SLC39A11: variants seen among roughly 807,000 people sequenced by gnomAD.
SLC39A11 encodes the protein zinc transporter ZIP11.
SLC39A11 carries 33 observed loss-of-function variants against 36.1 expected under a neutral mutation model. The ratio of observed to expected loss-of-function variants is 0.91; its 90% CI spans 0.69 to 1.22. The LOEUF (loss-of-function observed/expected upper bound fraction) is 1.22. SLC39A11 is among the 50% of genes most tolerant of loss of function. SLC39A11 has a pLI of 0.00. For synonymous variants in SLC39A11, 166 were observed against 170.3 expected, an observed-to-expected ratio of 0.97 and a Z score of 0.20; for missense variants, 432 against 430.3, an observed-to-expected ratio of 1.00 and a Z score of -0.03.
intron 6 of SLC39A11, among the ~76,000 whole-genome samples, chr17:72,831,334 G>A (rs72847921): frequency 0.044 from 6,753 of 152,262 alleles, 184 homozygotes; most frequent in Non-Finnish European, 0.062. Context: ...AGTGGAAGGA[G>A]CTGACAAACA....
intron 7 of SLC39A11, among the ~76,000 whole-genome samples, chr17:72,680,184 CTAGTTCCAGAA>C (rs1014157153): frequency 2.6e-5 from 4 of 151,838 alleles, no homozygotes; most frequent in African/African-American, 9.7e-5. Flanking sequence ...TCACCACAAT[CTAGTTCCAGAA>C]CATTTTTATC....
At chr17:72,789,597 A>G (rs1333040896) in intron 6 of SLC39A11, among the ~76,000 whole-genome samples, 1 of 152,186 alleles carries the variant, frequency 6.6e-6, no homozygotes. Context: ...GCAAACACTT[A>G]TTGGTCACCC....
chr17:72,759,759 T>C (rs1478357746), intron 6 of SLC39A11, among the ~76,000 whole-genome samples: 1 of 151,916 alleles, frequency 6.6e-6, no homozygotes, highest in African/African-American at 2.4e-5. Context: ...TTCTCATGGG[T>C]GGAAAATGAG....
chr17:73,085,901 G>T (rs942835374), intron 2 of SLC39A11, among the ~76,000 whole-genome samples: 2 of 152,100 alleles, frequency 1.3e-5, no homozygotes, highest in Non-Finnish European at 2.9e-5. Context: ...TCATACAACA[G>T]GTACCATAAT....
At position 72,752,285 on chromosome 17, in the gene SLC39A11, C is replaced by T. The variant is rs144509490; in HGVS notation, c.602-15566G>A. On this transcript the variant is annotated intron_variant, in intron 6 of 9. Coordinates refer to ENST00000255559, the MANE Select transcript of SLC39A11 (RefSeq NM_139177.4). Reference sequence around the variant, plus strand: ...CTTAAGATGGAGTCTCGCTCTGTCACCCGGGCTGGAGAGCAGTGGCGTGAT... The same window carrying T: ...CTTAAGATGGAGTCTCGCTCTGTCATCCGGGCTGGAGAGCAGTGGCGTGAT... Among the ~76,000 whole-genome samples the T allele has an allele frequency of 4.4e-3, 675 of 152,262 alleles. 13 individuals are homozygous for T. The highest frequency in any genetic ancestry group is 3.1e-3 in the Non-Finnish European group (209 of 68,032).
chr17:72,710,579 T>G (rs1471690907), intron 7 of SLC39A11, among the ~76,000 whole-genome samples: 3 of 152,224 alleles, frequency 2.0e-5, no homozygotes, highest in Non-Finnish European at 4.4e-5. Context: ...AATCTTCTGG[T>G]GCCTTGATCT....
chr17:72,791,442 A>G (rs1334187748), intron 6 of SLC39A11, among the ~76,000 whole-genome samples: 1 of 152,130 alleles, frequency 6.6e-6, no homozygotes, highest in African/African-American at 2.4e-5. Flanking sequence ...ACAGAAAGAA[A>G]CTCTGTCTCA....
chr17:72,903,584 G>A (rs918772883), intron 5 of SLC39A11, among the ~76,000 whole-genome samples: 5 of 152,234 alleles, frequency 3.3e-5, no homozygotes, highest in Admixed American at 1.3e-4. Flanking sequence ...CAGAGGGGCA[G>A]CCAAGCCCCC....
At chr17:72,835,981 T>C (rs1312039805) in intron 6 of SLC39A11, among the ~76,000 whole-genome samples, 1 of 152,104 alleles carries the variant, frequency 6.6e-6, no homozygotes, top group Non-Finnish European at 1.5e-5. Context: ...GGAGCATCAG[T>C]GGTGGTGATA....
intron 6 of SLC39A11, among the ~76,000 whole-genome samples, chr17:72,751,929 A>G (rs1350741618): frequency 6.6e-6 from 1 of 151,916 alleles, no homozygotes; most frequent in Non-Finnish European, 1.5e-5. Context: ...CTGAACCCAG[A>G]TCCCCATTCC....
intron 4 of SLC39A11, among the ~76,000 whole-genome samples, chr17:72,986,918 G>A (rs4969002): frequency 0.37 from 56,141 of 152,002 alleles, 11,027 homozygotes; most frequent in East Asian, 0.75. Context: ...TAAAAGCACA[G>A]GGTATTGTCC....
At chr17:72,968,425 G>A (rs541073464) in intron 4 of SLC39A11, among the ~76,000 whole-genome samples, 1 of 152,152 alleles carries the variant, frequency 6.6e-6, no homozygotes, top group East Asian at 1.9e-4. Flanking sequence ...GAAACCCATT[G>A]GGAATCTGAA....
intron 6 of SLC39A11, among the ~76,000 whole-genome samples, chr17:72,794,473 T>C (rs939691879): frequency 6.6e-6 from 1 of 152,022 alleles, no homozygotes; most frequent in Non-Finnish European, 1.5e-5. Flanking sequence ...TTTCTTCTCA[T>C]CACTCTAAAG....
intron 4 of SLC39A11, among the ~76,000 whole-genome samples, chr17:72,994,409 T>C (rs2089374370): frequency 6.6e-6 from 1 of 152,062 alleles, no homozygotes; most frequent in African/African-American, 2.4e-5. Flanking sequence ...GTTGAAACTA[T>C]AAAAAAGAGG....
intron 5 of SLC39A11, among the ~76,000 whole-genome samples, chr17:72,878,379 T>G (rs957257363): frequency 6.6e-6 from 1 of 152,314 alleles, no homozygotes; most frequent in East Asian, 1.9e-4. Flanking sequence ...ATTGTCTTCA[T>G]GTATTTTAGG....
intron 5 of SLC39A11, among the ~76,000 whole-genome samples, chr17:72,888,743 G>A (rs8069336): frequency 0.5 from 76,311 of 151,702 alleles, 20,628 homozygotes; most frequent in East Asian, 0.72. Flanking sequence ...CTCGATAAAA[G>A]ATGAAAAAAT....
At chr17:73,050,312 T>G (rs2059448787) in intron 3 of SLC39A11, among the ~76,000 whole-genome samples, 1 of 122,244 alleles carries the variant, frequency 8.2e-6, no homozygotes, top group Admixed American at 9.1e-5. Context: ...ACAAGTTTGG[T>G]CTGTTTGTGG....
chr17:72,922,769 A>G (rs1162232897), intron 5 of SLC39A11, among the ~76,000 whole-genome samples: 2 of 151,956 alleles, frequency 1.3e-5, no homozygotes, highest in East Asian at 1.9e-4. Flanking sequence ...AGAGTTTGAG[A>G]CCAGCCTGGC....
chr17:72,931,404 G>A (rs994435132), intron 5 of SLC39A11, among the ~76,000 whole-genome samples: 19 of 152,156 alleles, frequency 1.2e-4, no homozygotes, highest in African/African-American at 4.6e-4. Context: ...AGCCGCCAAT[G>A]GCCTCACCTG....
Sources: allele counts gnomAD v4.1 joint callset (sites outside exome capture counted in the v4.1 genomes callset), GRCh38; gene constraint gnomAD v4.1.1; transcripts MANE v1.5; gene names NCBI Gene and HGNC (gene_info 2026-07-23, HGNC 2026-07-21).